TMEM87B: variants seen among roughly 807,000 people sequenced by gnomAD.
TMEM87B encodes the protein transmembrane protein 87B.
In TMEM87B, 83 loss-of-function variants were observed where a neutral mutation model predicts 80.3. That is an observed-to-expected ratio of 1.03 (90% confidence interval 0.87 to 1.24). TMEM87B has a LOEUF of 1.24. Ranked by LOEUF, TMEM87B falls within the 50% of genes most tolerant of loss-of-function variation. The pLI is 0.00. For missense variants in TMEM87B, 625 were observed against 674.4 expected, an observed-to-expected ratio of 0.93 and a Z score of 0.81; for synonymous variants, 219 against 230.5, an observed-to-expected ratio of 0.95 and a Z score of 0.45.
chr2:112,073,942 C>T (rs1471659358), intron 4 of TMEM87B, among the ~76,000 whole-genome samples: 4 of 152,110 alleles, frequency 2.6e-5, no homozygotes, highest in South Asian at 2.1e-4. Context: ...TTTCCATTTG[C>T]TTGGTAGATT....
intron 4 of TMEM87B, among the ~76,000 whole-genome samples, chr2:112,071,212 C>A (rs370276272): frequency 6.6e-6 from 1 of 152,026 alleles, no homozygotes; most frequent in African/African-American, 2.4e-5. Flanking sequence ...TCATTCACCC[C>A]CTTGGTTAGC....
intron 17 of TMEM87B, among the ~76,000 whole-genome samples, chr2:112,108,129 G>A (rs1679821731): frequency 1.3e-5 from 2 of 152,034 alleles, no homozygotes; most frequent in African/African-American, 2.4e-5. Flanking sequence ...TATGGAAAAC[G>A]TCAAATGTAT....
intron 4 of TMEM87B, among the ~76,000 whole-genome samples, chr2:112,071,511 T>A (rs549123038): frequency 1.2e-4 from 18 of 152,054 alleles, no homozygotes; most frequent in Non-Finnish European, 2.2e-4. Context: ...TTCACCATGT[T>A]GGCCAGGCTG....
intron 8 of TMEM87B, among the ~76,000 whole-genome samples, chr2:112,085,255 G>T (rs1411793267): frequency 6.6e-6 from 1 of 152,220 alleles, no homozygotes; most frequent in Non-Finnish European, 1.5e-5. Context: ...ACTCTCTGCT[G>T]CAGGCATAAT....
In TMEM87B at chr2:112,091,579, A is replaced by G. The variant is rs1311535980; in HGVS notation, c.1033-133A>G. 4.5e-6 allele frequency: 3 copies of G among 661,428 alleles called. No individual in the cohort carries two copies. In the Admixed American group the frequency reaches 9.0e-5, roughly 20 times the overall value. The allele number at this position is 661,428 out of a possible 1,614,324, so 41.0% of individuals were successfully genotyped here. On this transcript the variant is annotated intron_variant, in intron 10 of 18. Coordinates refer to ENST00000283206, the MANE Select transcript of TMEM87B (RefSeq NM_032824.3). ...CCATGTGCTTAAACACAATCCTCTT[A>G]GGAAATTAAATCTTTTATGTGGCTT...
chr2:112,072,960 T>TGCA (rs1678700756), intron 4 of TMEM87B, among the ~76,000 whole-genome samples: 1 of 141,084 alleles, frequency 7.1e-6, no homozygotes, highest in Non-Finnish European at 1.5e-5. Context: ...AGGGCAGTGG[T>TGCA]GCAATCTCGG....
chr2:112,094,322 C>G (rs540654107), intron 11 of TMEM87B, among the ~76,000 whole-genome samples: 2 of 152,142 alleles, frequency 1.3e-5, no homozygotes, highest in Non-Finnish European at 2.9e-5. Flanking sequence ...CCACCACGCC[C>G]AGCTAATTTT....
At chr2:112,092,379 A>C (rs1017460624) in intron 11 of TMEM87B, among the ~76,000 whole-genome samples, 1 of 152,188 alleles carries the variant, frequency 6.6e-6, no homozygotes, top group East Asian at 1.9e-4. Context: ...GAGCCTTGGC[A>C]GGCGGTTCAG....
At chr2:112,079,900 T>C (rs1678935924) in intron 6 of TMEM87B, among the ~76,000 whole-genome samples, 1 of 151,960 alleles carries the variant, frequency 6.6e-6, no homozygotes, top group Non-Finnish European at 1.5e-5. Context: ...ATATGTTTTC[T>C]TTTGAGAAAC....
intron 1 of TMEM87B, among the ~76,000 whole-genome samples, chr2:112,056,713 T>C (rs1678079787): frequency 6.6e-6 from 1 of 152,204 alleles, no homozygotes; most frequent in Non-Finnish European, 1.5e-5. Flanking sequence ...CTACAAATAC[T>C]TCCCACAACA....
intron 5 of TMEM87B, 55 bp downstream of exon 5, chr2:112,075,017 A>T: frequency 6.5e-7 from 1 of 1,549,206 alleles, no homozygotes; most frequent in East Asian, 2.3e-5. Context: ...CGTAAGACTG[A>T]AAAAAGTCGC....
intron 10 of TMEM87B, among the ~76,000 whole-genome samples, chr2:112,090,447 G>C (rs973201545): frequency 3.3e-5 from 5 of 152,072 alleles, no homozygotes; most frequent in Non-Finnish European, 5.9e-5. Context: ...GTCTTGCTCT[G>C]TTGCCTAGGC....
intron 9 of TMEM87B, among the ~76,000 whole-genome samples, chr2:112,087,844 CA>C (rs1259312081): frequency 1.3e-5 from 2 of 152,200 alleles, no homozygotes; most frequent in Non-Finnish European, 2.9e-5. Context: ...TCAAGGCCAC[CA>C]TGACCTCACC....
chr2:112,104,917 C>G (rs1679724290), intron 15 of TMEM87B, among the ~76,000 whole-genome samples: 1 of 152,122 alleles, frequency 6.6e-6, no homozygotes, highest in South Asian at 2.1e-4. Context: ...AACTTAATCT[C>G]AAAAATGTTT....
chr2:112,092,736 A>G (rs1198234291), intron 11 of TMEM87B, among the ~76,000 whole-genome samples: 1 of 152,172 alleles, frequency 6.6e-6, no homozygotes, highest in Non-Finnish European at 1.5e-5. Flanking sequence ...AGAGGCAGTA[A>G]GTACTGGATC....
chr2:112,081,648 A>G (rs538933589), intron 8 of TMEM87B, 130 bp downstream of exon 8: 423 of 776,734 alleles, frequency 5.4e-4, no homozygotes, highest in Non-Finnish European at 7.2e-4. Context: ...AGAGAAGGAA[A>G]GCCAAGGAAA....
intron 5 of TMEM87B, among the ~76,000 whole-genome samples, chr2:112,076,166 T>TC (rs1678806942): frequency 6.6e-6 from 1 of 152,018 alleles, no homozygotes. Flanking sequence ...GCACAAGAAT[T>TC]GCTTGAACCC....
At chr2:112,063,039 TG>T (rs1445807807) in intron 2 of TMEM87B, among the ~76,000 whole-genome samples, 1 of 152,204 alleles carries the variant, frequency 6.6e-6, no homozygotes, top group Non-Finnish European at 1.5e-5. Context: ...AGCCTCAGTT[TG>T]TTGAACTTGA....
Position 112,086,104 on chromosome 2 carries a change from A to G in TMEM87B, c.938A>G (p.Lys313Arg), listed in dbSNP as rs1679138657. ...IIVSLGYGIV[K>R]PRLGTVMHRV... ...GTGAGCCTGGGCTATGGCATTGTGA[A>G]GTAAGTACTGGCGTGTGGGAAAAAT... Residue 313 changes from lysine to arginine, a missense_variant and splice_region_variant, in exon 9 of 19, where the codon AAG (lysine) becomes AGG (arginine). Coordinates refer to ENST00000283206, the MANE Select transcript of TMEM87B (RefSeq NM_032824.3). 1.9e-6 allele frequency: 3 copies of G among 1,613,616 alleles called. No individual in the cohort carries two copies. The African/African-American group carries it at 4.0e-5, about 22-fold the overall frequency.
Sources: gnomAD v4.1 joint callset for allele counts (sites outside exome capture counted in the v4.1 genomes callset) on GRCh38, gnomAD v4.1.1 for gene constraint, MANE v1.5 for transcripts, NCBI Gene and HGNC (gene_info 2026-07-23, HGNC 2026-07-21) for gene names.